SMOC2: variants seen among roughly 807,000 people sequenced by gnomAD.
The protein encoded by SMOC2 is SPARC related modular calcium binding 2, also known as SPARC-related modular calcium-binding protein 2.
SMOC2 carries 39 observed loss-of-function variants against 61.4 expected under a neutral mutation model. The observed-to-expected ratio is 0.64, with a 90% CI of 0.49 to 0.83. The LOEUF is 0.83. SMOC2 is among the 40% of genes least tolerant of loss of function. The pLI, the probability that SMOC2 is intolerant of heterozygous loss-of-function variation, is 0.00. For synonymous variants in SMOC2, 247 were observed against 239.9 expected (o/e 1.03, Z -0.27); for missense variants, 556 against 592.9 (o/e 0.94, Z 0.65).
intron 7 of SMOC2, 113 bp downstream of exon 7, chr6:168,549,316 G>A (rs1363436043): frequency 1.1e-6 from 1 of 913,288 alleles, no homozygotes; most frequent in East Asian, 2.6e-5. Context: ...AACAACATGG[G>A]GGTGAGGGGT....
intron 5 of SMOC2, 120 bp from the exon 6 acceptor site, chr6:168,546,999 C>A: frequency 8.5e-7 from 1 of 1,178,930 alleles, no homozygotes; most frequent in South Asian, 1.2e-5. Flanking sequence ...TGTGGGGTTG[C>A]TGTTGTGGTT....
chr6:168,520,979 A>G (rs1343158187), intron 2 of SMOC2, among the ~76,000 whole-genome samples: 1 of 151,860 alleles, frequency 6.6e-6, no homozygotes, highest in Non-Finnish European at 1.5e-5. Flanking sequence ...AATGTTCAGC[A>G]AAGCAATCTC....
chr6:168,571,536 G>C (rs1784666160), intron 7 of SMOC2, among the ~76,000 whole-genome samples: 1 of 152,168 alleles, frequency 6.6e-6, no homozygotes, highest in African/African-American at 2.4e-5. Flanking sequence ...TCCACGGCGT[G>C]GTGTGTATGG....
At chr6:168,655,608 C>G (rs1340170494) in intron 11 of SMOC2, 5 of 344,336 alleles carry the variant, frequency 1.5e-5, no homozygotes, top group Non-Finnish European at 2.9e-5. Context: ...GCCAGATCCC[C>G]CTGCACATGT....
At chr6:168,523,881 C>T (rs1445921417) in intron 2 of SMOC2, among the ~76,000 whole-genome samples, 1 of 152,100 alleles carries the variant, frequency 6.6e-6, no homozygotes, top group African/African-American at 2.4e-5. Flanking sequence ...AGACATTTAT[C>T]ATCATCTGTA....
intron 9 of SMOC2, among the ~76,000 whole-genome samples, chr6:168,615,173 G>C (rs1392846485): frequency 2.9e-5 from 2 of 68,882 alleles, no homozygotes; most frequent in African/African-American, 6.2e-5. Flanking sequence ...AGCCAGCACA[G>C]GGCCTCTTCA....
At chr6:168,455,516 T>G (rs1473401982) in intron 1 of SMOC2, among the ~76,000 whole-genome samples, 1 of 152,230 alleles carries the variant, frequency 6.6e-6, no homozygotes, top group Non-Finnish European at 1.5e-5. Flanking sequence ...CATTCTCTCC[T>G]ACTTAAAAAT....
intron 2 of SMOC2, among the ~76,000 whole-genome samples, chr6:168,524,026 A>T (rs1022945113): frequency 1.3e-5 from 2 of 152,150 alleles, no homozygotes; most frequent in Non-Finnish European, 2.9e-5. Context: ...GGGGCATTTA[A>T]TTCAGTCTAA....
intron 1 of SMOC2, among the ~76,000 whole-genome samples, chr6:168,447,685 G>A (rs1196653862): frequency 6.6e-6 from 1 of 152,180 alleles, no homozygotes; most frequent in Non-Finnish European, 1.5e-5. Flanking sequence ...TGGAAGAGTT[G>A]TAGGTAAACA....
chr6:168,598,007 G>T (rs1785374342), intron 7 of SMOC2, among the ~76,000 whole-genome samples: 1 of 152,242 alleles, frequency 6.6e-6, no homozygotes, highest in Non-Finnish European at 1.5e-5. Context: ...TGAGGTCCTA[G>T]AATTTTTAAG....
rs1204932372 is a variant in SMOC2, at chr6:168,452,139, G to T, written c.84+10685G>T. Among the ~76,000 whole-genome samples, 4 of 152,216 alleles carry T rather than the reference G, an allele frequency of 2.6e-5. No individual in the cohort carries two copies. The highest frequency in any genetic ancestry group is 7.2e-5 in the African/African-American group (3 of 41,446). On this transcript the variant is annotated intron_variant, in intron 1 of 12. Coordinates refer to ENST00000356284, the MANE Select transcript of SMOC2 (RefSeq NM_001166412.2). The surrounding 1 kb of genome is among the most constrained non-coding windows in gnomAD (Gnocchi z 5.0). Reference sequence around the variant, plus strand: ...CCTTGCCTGCAAAAATACCCCACGGGCCTGCTGCCCCAAGTGAGTTCAACT... The same window carrying T: ...CCTTGCCTGCAAAAATACCCCACGGTCCTGCTGCCCCAAGTGAGTTCAACT...
chr6:168,570,787 G>A (rs1228008633), intron 7 of SMOC2, among the ~76,000 whole-genome samples: 1 of 152,250 alleles, frequency 6.6e-6, no homozygotes, highest in African/African-American at 2.4e-5. Context: ...TAAGCATTCT[G>A]TGATGGATGG....
In SMOC2 at chr6:168,453,768, T is replaced by C. The variant is rs111163621; in HGVS notation, c.84+12314T>C. ...GTCTCTCTGTCTCCCTCTTTCTCTG[T>C]CTCTCTGATTCTATCTCTTGGTCTC... On this transcript the variant is annotated intron_variant, in intron 1 of 12. Transcript: ENST00000356284. This position sits in a 1 kb window ranked among gnomAD's most constrained non-coding sequence, Gnocchi z 4.4. Among the ~76,000 whole-genome samples, 655 of 152,148 alleles carry C rather than the reference T, an allele frequency of 4.3e-3. 6 individuals are homozygous for C. Among genetic ancestry groups the C allele is most frequent in the Middle Eastern group, 0.01 (3 of 294 alleles).
chr6:168,581,518 T>C (rs889413626), intron 7 of SMOC2, among the ~76,000 whole-genome samples: 1 of 152,238 alleles, frequency 6.6e-6, no homozygotes, highest in Non-Finnish European at 1.5e-5. Context: ...ATCGCTGCCC[T>C]AGTCACATTC....
chr6:168,486,957 C>T (rs533817807), intron 1 of SMOC2, among the ~76,000 whole-genome samples: 10 of 152,248 alleles, frequency 6.6e-5, no homozygotes, highest in South Asian at 2.1e-4. Flanking sequence ...AGACATACTC[C>T]GTCCCCTCAC....
At chr6:168,487,554 G>A (rs1217267197) in intron 1 of SMOC2, among the ~76,000 whole-genome samples, 1 of 152,030 alleles carries the variant, frequency 6.6e-6, no homozygotes, top group African/African-American at 2.4e-5. Context: ...CCCAGGTGCT[G>A]GAGTGCAGTG....
chr6:168,622,126 T>C (rs111844003), intron 9 of SMOC2, among the ~76,000 whole-genome samples: 4 of 151,958 alleles, frequency 2.6e-5, no homozygotes, highest in African/African-American at 9.7e-5. Flanking sequence ...CCACCACGCC[T>C]GGCTAATTTT....
At chr6:168,649,866 C>T (rs1787147643) in intron 9 of SMOC2, among the ~76,000 whole-genome samples, 1 of 152,220 alleles carries the variant, frequency 6.6e-6, no homozygotes, top group Non-Finnish European at 1.5e-5. Flanking sequence ...CTGCCTGTGT[C>T]CAGCTACTGG....
At chr6:168,471,095 A>G (rs1781958017) in intron 1 of SMOC2, among the ~76,000 whole-genome samples, 2 of 152,220 alleles carry the variant, frequency 1.3e-5, no homozygotes, top group South Asian at 2.1e-4. Context: ...CATCTTAACC[A>G]TTTTTAAAAA....
Sources: allele counts gnomAD v4.1 joint callset (sites outside exome capture counted in the v4.1 genomes callset), GRCh38; gene constraint gnomAD v4.1.1; non-coding constraint Gnocchi (gnomAD v3.1); transcripts MANE v1.5; gene names NCBI Gene and HGNC (gene_info 2026-07-23, HGNC 2026-07-21).